The following CSDC2 variants were observed in gnomAD, a reference collection of about 807,000 sequenced individuals.
The protein encoded by CSDC2 is cold shock domain-containing protein C2.
A neutral mutation model predicts 15.8 loss-of-function variants in CSDC2; 8 were observed. The ratio of observed to expected loss-of-function variants is 0.51; its 90% confidence interval spans 0.30 to 0.92. The LOEUF (loss-of-function observed/expected upper bound fraction) is 0.92, where lower values mean the gene tolerates loss of function less well. Ranked by LOEUF, CSDC2 falls within the 40% of genes least tolerant of loss-of-function variation. The pLI is 0.07. For synonymous variants in CSDC2, 96 were observed against 92.3 expected (o/e 1.04, Z -0.23); for missense variants, 195 against 213.3 (o/e 0.91, Z 0.53).
chr22:41,570,088 G>C (rs1474119677), intron 1 of CSDC2, among the ~76,000 whole-genome samples: 1 of 152,122 alleles, frequency 6.6e-6, no homozygotes. Flanking sequence ...CTGTTTGTGT[G>C]GTTGCTTCTT....
chr22:41,565,609 AAGAG>A (rs2145596460), intron 1 of CSDC2, among the ~76,000 whole-genome samples: 1 of 152,284 alleles, frequency 6.6e-6, no homozygotes, highest in Admixed American at 6.5e-5. Flanking sequence ...ATTAAAAAGT[AAGAG>A]AGAACCATGA....
At chr22:41,572,540 C>T (rs2067153339) in intron 2 of CSDC2, among the ~76,000 whole-genome samples, 2 of 152,230 alleles carry the variant, frequency 1.3e-5, no homozygotes, top group South Asian at 4.1e-4. Context: ...ATCTATTCCA[C>T]AAAGATTTAC....
chr22:41,564,749 A>C (rs1194183565), intron 1 of CSDC2, among the ~76,000 whole-genome samples: 2 of 152,154 alleles, frequency 1.3e-5, no homozygotes, highest in Non-Finnish European at 2.9e-5. Context: ...ACGATGATTC[A>C]CGTAGCTGAA....
At chr22:41,569,201 G>A (rs757065162) in intron 1 of CSDC2, among the ~76,000 whole-genome samples, 2 of 152,252 alleles carry the variant, frequency 1.3e-5, no homozygotes, top group African/African-American at 2.4e-5. Context: ...ACTGCAGGGC[G>A]TCTGGTGCTT....
intron 1 of CSDC2, among the ~76,000 whole-genome samples, chr22:41,563,280 T>TG (rs1208819269): frequency 1.3e-5 from 2 of 151,728 alleles, no homozygotes; most frequent in African/African-American, 4.8e-5. Context: ...TCTGGGAGGC[T>TG]GGGGGAGGGG....
chr22:41,563,629 T>C (rs2067098757), intron 1 of CSDC2, among the ~76,000 whole-genome samples: 1 of 152,038 alleles, frequency 6.6e-6, no homozygotes, highest in South Asian at 2.1e-4. Flanking sequence ...GACTCCTCCT[T>C]CTCCAGGGGA....
Position 41,574,762 on chromosome 22 carries a change from G to A in CSDC2, c.329G>A (p.Gly110Asp). ...GAGGGGGAGTACGTGCCAGTGGAGG[G>A]CGACGAGGTGACCTACAAGATGTGC... is the stretch of plus-strand genomic sequence containing the variant. ...DIEGEYVPVE[G>D]DEVTYKMCPI... The change falls in exon 4 of 4, where the codon GGC (glycine) becomes GAC (aspartate). Residue 110 changes from glycine (G) to aspartate (D), a missense_variant. Physicochemically the swap from Gly to Asp is moderately conservative, Grantham distance 94. Transcript: ENST00000306149. The A allele has an allele frequency of 6.2e-7, 1 of 1,613,806 alleles. No homozygotes were observed. Among genetic ancestry groups the A allele is most frequent in the South Asian group, 1.1e-5 (1 of 91,082 alleles).
chr22:41,575,066 C>T lies in CSDC2; in HGVS notation c.*171C>T. 3 of 811,502 alleles carry T rather than the reference C, an allele frequency of 3.7e-6. No homozygotes were observed. Among genetic ancestry groups the T allele is most frequent in the Non-Finnish European group, 5.7e-6 (3 of 527,392 alleles). The allele number at this position is 811,502 out of a possible 1,614,324, so 50.3% of individuals were successfully genotyped here. ...GGCTATGAGCGTGTGCCTCCACCCA[C>T]CCCACGACCCGTGACTACTGTGCAA... On this transcript the variant is annotated 3_prime_UTR_variant, in exon 4 of 4. Transcript: ENST00000306149.
Position 41,572,090 on chromosome 22 carries a change from C to A in CSDC2, c.125C>A (p.Pro42His). 1.5e-6 allele frequency: 2 copies of A among 1,359,662 alleles called. No individual in the cohort carries two copies. The highest frequency in any genetic ancestry group is 2.9e-5 in the East Asian group (1 of 34,928). The allele number at this position is 1,359,662 out of a possible 1,614,324, so 84.2% of individuals were successfully genotyped here. A position where few individuals can be genotyped will look rare whatever the true frequency, so the allele number is the denominator to read the frequency against. The change falls in exon 2 of 4, where the codon CCT becomes CAT. Residue 42 changes from proline (P) to histidine (H), a missense_variant. Pro to His is a moderately conservative substitution (Grantham distance 77). Coordinates refer to ENST00000306149, the MANE Select transcript of CSDC2 (RefSeq NM_014460.4). ...GTCTGGGAGCGGGGTGGTGTCCCAC[C>A]TCGGGACCTACCCAGCCCTCTGCCC... is the stretch of plus-strand genomic sequence containing the variant. ...SRVWERGGVP[P>H]RDLPSPLPTK...
Position 41,571,894 on chromosome 22 carries a change from C to G in CSDC2, c.-72C>G. The G allele has an allele frequency of 9.3e-7, 1 of 1,078,154 alleles. No individual in the cohort carries two copies. The highest frequency in any genetic ancestry group is 3.2e-5 in the East Asian group (1 of 30,796). The allele number at this position is 1,078,154 out of a possible 1,614,324, so 66.8% of individuals were successfully genotyped here. ...AGAGCAGGGCCAGGCCGGGCCCTGC[C>G]CGCAAGGACGACCAAACCCCTCACC... On this transcript the variant is annotated 5_prime_UTR_variant, in exon 2 of 4. Coordinates refer to ENST00000306149, the MANE Select transcript of CSDC2 (RefSeq NM_014460.4).
At chr22:41,572,371 C>CCCAT (rs2067150383) in intron 2 of CSDC2, among the ~76,000 whole-genome samples, 1 of 59,572 alleles carries the variant, frequency 1.7e-5, no homozygotes. Context: ...CACCCACCCA[C>CCCAT]CCACCCACCC....
chr22:41,570,620 G>A (rs1297762528), intron 1 of CSDC2, among the ~76,000 whole-genome samples: 2 of 152,010 alleles, frequency 1.3e-5, no homozygotes, highest in African/African-American at 2.4e-5. Flanking sequence ...TCAGGAGTTC[G>A]AGATCAGCCT....
intron 3 of CSDC2, 71 bp from the exon 4 acceptor site, chr22:41,574,662 A>G: frequency 6.4e-7 from 1 of 1,555,888 alleles, no homozygotes; most frequent in Non-Finnish European, 8.7e-7. Flanking sequence ...GCTGCCCCCA[A>G]GGCCAGGCCA....
At chr22:41,567,606 C>T (rs773666527) in intron 1 of CSDC2, among the ~76,000 whole-genome samples, 9 of 152,316 alleles carry the variant, frequency 5.9e-5, no homozygotes, top group South Asian at 2.1e-4. Context: ...TCCAAGCCCA[C>T]GCCCTGGCAG....
rs370154480 is a variant in CSDC2, at chr22:41,561,081, C to CACACACACACACACAT, written c.-225_-224insCACACACACACACATA. On this transcript the variant is annotated 5_prime_UTR_variant, in exon 1 of 4. Transcript: ENST00000306149. ...ACACACACACACACACACACACACACATCTTCCAGACCCATCCCCTGCCTG... is the reference window on the plus strand; with the variant it reads ...ACACACACACACACACACACACACACACACACACACACACATATCTTCCAGACCCATCCCCTGCCTG... 4.4e-5 allele frequency: 3 copies of CACACACACACACACAT among 67,752 alleles called. No individual in the cohort carries two copies. Among genetic ancestry groups the CACACACACACACACAT allele is most frequent in the African/African-American group, 1.1e-4 (3 of 26,928 alleles). The allele number at this position is 67,752 out of a possible 1,614,324, so 4.2% of individuals were successfully genotyped here. A position where few individuals can be genotyped will look rare whatever the true frequency, so the allele number is the denominator to read the frequency against.
At chr22:41,569,328 T>C (rs971987789) in intron 1 of CSDC2, among the ~76,000 whole-genome samples, 5 of 152,234 alleles carry the variant, frequency 3.3e-5, no homozygotes, top group African/African-American at 9.6e-5. Flanking sequence ...TTCAGTTCAG[T>C]TGTTTTTAGT....
chr22:41,561,486 C>G (rs914365284), intron 1 of CSDC2, among the ~76,000 whole-genome samples: 1 of 152,202 alleles, frequency 6.6e-6, no homozygotes, highest in African/African-American at 2.4e-5. Context: ...CAAGCCGCAG[C>G]CTCCTGTCTG....
chr22:41,565,066 T>G (rs1333784876), intron 1 of CSDC2, among the ~76,000 whole-genome samples: 1 of 151,850 alleles, frequency 6.6e-6, no homozygotes, highest in African/African-American at 2.4e-5. Context: ...CTCGAGAGGC[T>G]GAGGCAGGAG....
chr22:41,573,155 C>A (rs1601998695), intron 2 of CSDC2, among the ~76,000 whole-genome samples: 1 of 152,232 alleles, frequency 6.6e-6, no homozygotes, highest in East Asian at 1.9e-4. Context: ...GCCAGTATGG[C>A]CAACATGGCC....
Sources: gnomAD v4.1 joint callset for allele counts (sites outside exome capture counted in the v4.1 genomes callset) on GRCh38, gnomAD v4.1.1 for gene constraint, MANE v1.5 for transcripts, NCBI Gene and HGNC (gene_info 2026-07-23, HGNC 2026-07-21) for gene names.